Variants in LHPP observed in about 807,000 individuals in gnomAD.
LHPP encodes phospholysine phosphohistidine inorganic pyrophosphate phosphatase, also known as hLHPP.
In LHPP, 24 loss-of-function variants were observed where a neutral mutation model predicts 30.3. That is an observed-to-expected ratio of 0.79 (90% confidence interval 0.57 to 1.11). The LOEUF is 1.11. Ranked by LOEUF, LHPP falls within the 50% of genes most tolerant of loss-of-function variation. The pLI, the probability that LHPP is intolerant of heterozygous loss-of-function variation, is 0.00. For synonymous variants in LHPP, 150 were observed against 157.1 expected (o/e 0.95, Z 0.34); for missense variants, 356 against 367.2 (o/e 0.97, Z 0.25).
At chr10:124,506,031 C>T (rs932231608) in intron 5 of LHPP, among the ~76,000 whole-genome samples, 1 of 152,032 alleles carries the variant, frequency 6.6e-6, no homozygotes, top group African/African-American at 2.4e-5. Flanking sequence ...GGATCACGAG[C>T]CCAGGAGTTC....
chr10:124,579,145 T>C (rs1045383458), intron 6 of LHPP, among the ~76,000 whole-genome samples: 13 of 152,128 alleles, frequency 8.5e-5, no homozygotes, highest in African/African-American at 2.7e-4. Flanking sequence ...TATCTCATAT[T>C]CCCCAGAGGA....
chr10:124,570,830 C>T (rs1310842127), intron 6 of LHPP, among the ~76,000 whole-genome samples: 4 of 152,232 alleles, frequency 2.6e-5, no homozygotes, highest in African/African-American at 7.2e-5. Flanking sequence ...AGTAATATTC[C>T]ACTATGTGGA....
intron 6 of LHPP, among the ~76,000 whole-genome samples, chr10:124,595,888 C>G (rs920521869): frequency 6.6e-6 from 1 of 152,202 alleles, no homozygotes; most frequent in African/African-American, 2.4e-5. Flanking sequence ...CACCGCTCTC[C>G]CTGCACAGCC....
At chr10:124,489,767 C>T (rs200231336) in intron 3 of LHPP, 2 of 156,160 alleles carry the variant, frequency 1.3e-5, no homozygotes, top group Admixed American at 6.9e-5. Context: ...TAATTTTTTT[C>T]TTTTTTTTTT....
In LHPP at chr10:124,576,648, TCTC is replaced by T. The variant is rs1948667198; in HGVS notation, c.717-36612_717-36610del. ...CTGCTGGTAATATGGGATACAGAGGTCTCCTCACTGCACACACAAAACTCCTTC... is the reference window on the plus strand; with the variant it reads ...CTGCTGGTAATATGGGATACAGAGGTCTCACTGCACACACAAAACTCCTTC... On this transcript the variant is annotated intron_variant, in intron 6 of 6. Coordinates refer to ENST00000368842, the MANE Select transcript of LHPP (RefSeq NM_022126.4). The surrounding 1 kb of genome is among the most constrained non-coding windows in gnomAD (Gnocchi z 4.2). Among the ~76,000 whole-genome samples, 1 of 151,384 alleles carries T rather than the reference TCTC, an allele frequency of 6.6e-6. No homozygotes were observed. Among genetic ancestry groups the T allele is most frequent in the Admixed American group, 6.6e-5 (1 of 15,226 alleles).
chr10:124,477,078 C>G lies in LHPP; in HGVS notation c.126-7061C>G, dbSNP rs546463982. Among the ~76,000 whole-genome samples, 32 of 152,332 alleles carry G rather than the reference C, an allele frequency of 2.1e-4. 1 individual carries two copies. In the South Asian group the frequency reaches 6.6e-3, roughly 32 times the overall value. Reference sequence around the variant, plus strand: ...ATTAGCTGTGCATGGTGGCACGCGCCTGTAGTCCCAACTACTCGGGAGGTT... The same window carrying G: ...ATTAGCTGTGCATGGTGGCACGCGCGTGTAGTCCCAACTACTCGGGAGGTT... On this transcript the variant is annotated intron_variant, in intron 1 of 6. Coordinates refer to ENST00000368842, the MANE Select transcript of LHPP (RefSeq NM_022126.4).
intron 5 of LHPP, among the ~76,000 whole-genome samples, chr10:124,507,083 T>TG (rs1236398596): frequency 6.8e-4 from 1 of 1,460 alleles, no homozygotes. Flanking sequence ...GGATTTCAGG[T>TG]GGGGGGGTAG....
At chr10:124,487,017 A>G (rs1338210788) in intron 2 of LHPP, among the ~76,000 whole-genome samples, 1 of 152,212 alleles carries the variant, frequency 6.6e-6, no homozygotes, top group African/African-American at 2.4e-5. Flanking sequence ...GGCTTCTTTT[A>G]CCCAACGTAA....
At chr10:124,545,270 G>A (rs758335514) in intron 6 of LHPP, among the ~76,000 whole-genome samples, 4 of 152,244 alleles carry the variant, frequency 2.6e-5, no homozygotes, top group African/African-American at 4.8e-5. Flanking sequence ...CGTCTGGAAA[G>A]TGGGGGTGTA....
At chr10:124,611,208 A>G (rs891120709) in intron 6 of LHPP, among the ~76,000 whole-genome samples, 1 of 152,036 alleles carries the variant, frequency 6.6e-6, no homozygotes, top group Non-Finnish European at 1.5e-5. Context: ...GGGTGCTGGC[A>G]ACTGCCCTTT....
intron 1 of LHPP, among the ~76,000 whole-genome samples, chr10:124,468,554 G>A (rs4962580): frequency 0.56 from 85,319 of 151,900 alleles, 24,260 homozygotes; most frequent in Non-Finnish European, 0.59. Context: ...AAGTCCCCAT[G>A]TCCTGCCTTG....
chr10:124,543,492 G>T (rs1456834434), intron 6 of LHPP, among the ~76,000 whole-genome samples: 6 of 152,250 alleles, frequency 3.9e-5, no homozygotes, highest in African/African-American at 1.4e-4. Context: ...CAAGGGCTGA[G>T]CCTTGGGGCC....
chr10:124,470,251 T>C (rs1952687774), intron 1 of LHPP, among the ~76,000 whole-genome samples: 2 of 152,160 alleles, frequency 1.3e-5, no homozygotes, highest in Admixed American at 6.5e-5. Context: ...GGGCATTTAC[T>C]GCATCCTGTC....
intron 5 of LHPP, 40 bp downstream of exon 5, chr10:124,498,168 C>A: frequency 6.3e-7 from 1 of 1,583,282 alleles, no homozygotes. Context: ...GGGAGGCAGC[C>A]CCGTCAGGGA....
chr10:124,462,462 G>A (rs1952432016), intron 1 of LHPP, among the ~76,000 whole-genome samples: 1 of 152,020 alleles, frequency 6.6e-6, no homozygotes, highest in Non-Finnish European at 1.5e-5. Context: ...GGGTGTGGTG[G>A]TGCACGCCTG....
chr10:124,505,253 A>C (rs1255802400), intron 5 of LHPP, among the ~76,000 whole-genome samples: 1 of 152,226 alleles, frequency 6.6e-6, no homozygotes, highest in Non-Finnish European at 1.5e-5. Context: ...TTTCAAATGA[A>C]CTGTGTCTTA....
chr10:124,499,643 A>G (rs566777230), intron 5 of LHPP, among the ~76,000 whole-genome samples: 3 of 151,998 alleles, frequency 2.0e-5, no homozygotes, highest in African/African-American at 7.3e-5. Flanking sequence ...TGATAGAGTG[A>G]GACTCCTTCT....
chr10:124,548,961 C>G (rs962733241), intron 6 of LHPP, among the ~76,000 whole-genome samples: 1 of 152,176 alleles, frequency 6.6e-6, no homozygotes, highest in African/African-American at 2.4e-5. Context: ...GGACAGCCAG[C>G]GGGACATTCC....
In LHPP at chr10:124,509,628, C is replaced by T. The variant is rs565026475; in HGVS notation, c.625-7552C>T. On this transcript the variant is annotated intron_variant, in intron 5 of 6. Transcript: ENST00000368842. ...CTTGTTCCTTATGAAGGTGTCCGAC[C>T]ACAGTGGCAATTACTCAGCATTGCA... Among the ~76,000 whole-genome samples the T allele has an allele frequency of 2.6e-4, 40 of 151,146 alleles. 1 individual carries two copies. In the South Asian group the frequency reaches 8.4e-3, roughly 32 times the overall value.
Sources: allele counts gnomAD v4.1 joint callset (sites outside exome capture counted in the v4.1 genomes callset), GRCh38; gene constraint gnomAD v4.1.1; non-coding constraint Gnocchi (gnomAD v3.1); transcripts MANE v1.5; gene names NCBI Gene and HGNC (gene_info 2026-07-23, HGNC 2026-07-21).